FAM53B: variants seen among roughly 807,000 people sequenced by gnomAD.
FAM53B encodes protein FAM53B.
FAM53B carries 12 observed loss-of-function variants against 32.7 expected under a neutral mutation model. The observed-to-expected ratio is 0.37, with a 90% CI of 0.24 to 0.59. The LOEUF is 0.59. Ranked by LOEUF, FAM53B falls within the 20% of genes least tolerant of loss-of-function variation. The probability of loss-of-function intolerance (pLI) is 0.72; values close to 1 mark genes in which losing one functional copy is unlikely to be tolerated. For synonymous variants in FAM53B, 234 were observed against 228.7 expected (o/e 1.02, Z -0.21); for missense variants, 477 against 577.7 (o/e 0.83, Z 1.79).
chr10:124,647,617 G>A (rs1397299321), intron 4 of FAM53B, among the ~76,000 whole-genome samples: 1 of 152,198 alleles, frequency 6.6e-6, no homozygotes, highest in Non-Finnish European at 1.5e-5. Context: ...AGGGAGGCAG[G>A]TATGTGTCCA....
At chr10:124,683,738 C>CT (rs1304061490) in intron 3 of FAM53B, among the ~76,000 whole-genome samples, 2 of 60,844 alleles carry the variant, frequency 3.3e-5, no homozygotes, top group African/African-American at 6.7e-5. Context: ...GTGGGTGAGC[C>CT]TGACTCTGGC....
chr10:124,621,435 G>C lies in FAM53B; in HGVS notation c.*1807C>G, dbSNP rs188101159. ...CGGGATCACAAGTAGACATGCCTCC[G>C]GCAGGAGCTACAGCAACCAGAGGTG... On this transcript the variant is annotated 3_prime_UTR_variant, in exon 5 of 5. Coordinates refer to ENST00000337318, the MANE Select transcript of FAM53B (RefSeq NM_014661.4). 6.6e-6 allele frequency: 1 copy of C among 152,228 alleles called. No homozygotes were observed. The highest frequency in any genetic ancestry group is 1.9e-4 in the East Asian group (1 of 5,192). The allele number at this position is 152,228 out of a possible 1,614,324, so 9.4% of individuals were successfully genotyped here. A position where few individuals can be genotyped will look rare whatever the true frequency, so the allele number is the denominator to read the frequency against.
At chr10:124,661,883 G>C (rs34209544) in intron 4 of FAM53B, among the ~76,000 whole-genome samples, 41,874 of 152,198 alleles carry the variant, frequency 0.28, 6,529 homozygotes, top group South Asian at 0.38. Context: ...CCTAGCAGGG[G>C]CCAGAGCAAG....
chr10:124,708,117 T>A (rs1416961695), intron 1 of FAM53B: 2 of 152,204 alleles, frequency 1.3e-5, no homozygotes, highest in Non-Finnish European at 2.9e-5. Flanking sequence ...AAAATAATCA[T>A]GATAACAGTA....
intron 3 of FAM53B, among the ~76,000 whole-genome samples, chr10:124,694,982 C>T (rs1472021797): frequency 2.6e-5 from 4 of 152,216 alleles, no homozygotes; most frequent in Non-Finnish European, 5.9e-5. Flanking sequence ...CCTCAGTTCT[C>T]CCGTATGTGA....
At chr10:124,671,007 C>T (rs866193085) in intron 4 of FAM53B, among the ~76,000 whole-genome samples, 37 of 152,192 alleles carry the variant, frequency 2.4e-4, no homozygotes, top group African/African-American at 7.7e-4. Context: ...CTGCGATGCG[C>T]GCTAGAAGAG....
At chr10:124,645,229 A>G (rs1949505020) in intron 4 of FAM53B, among the ~76,000 whole-genome samples, 1 of 152,374 alleles carries the variant, frequency 6.6e-6, no homozygotes, top group Non-Finnish European at 1.5e-5. Context: ...ATTCTGTGGT[A>G]AGACCGCCTA....
chr10:124,712,756 A>AC (rs1950013015), intron 1 of FAM53B, among the ~76,000 whole-genome samples: 2 of 152,210 alleles, frequency 1.3e-5, no homozygotes, highest in African/African-American at 4.8e-5. Context: ...CCCCAACCTG[A>AC]TCATGGAGAC....
At chr10:124,728,875 T>G (rs1212488391) in intron 1 of FAM53B, among the ~76,000 whole-genome samples, 1 of 152,246 alleles carries the variant, frequency 6.6e-6, no homozygotes, top group African/African-American at 2.4e-5. Context: ...CAGCAACATG[T>G]GCACAATTGG....
intron 3 of FAM53B, among the ~76,000 whole-genome samples, chr10:124,686,860 A>G (rs566534599): frequency 1.3e-5 from 2 of 152,382 alleles, no homozygotes; most frequent in Admixed American, 1.3e-4. Flanking sequence ...AAGTCCAACC[A>G]GGACTGTGCC....
At chr10:124,694,524 AATAAAGACCAAC>A (rs1949855979) in intron 3 of FAM53B, among the ~76,000 whole-genome samples, 1 of 152,206 alleles carries the variant, frequency 6.6e-6, no homozygotes, top group South Asian at 2.1e-4. Context: ...AAATCCTTGA[AATAAAGACCAAC>A]ATCTCCACAA....
At chr10:124,697,092 A>T (rs139608719) in intron 2 of FAM53B, among the ~76,000 whole-genome samples, 13 of 152,212 alleles carry the variant, frequency 8.5e-5, no homozygotes, top group Non-Finnish European at 1.8e-4. Flanking sequence ...CGGTCCTCTC[A>T]TGAGCAGAGA....
intron 2 of FAM53B, among the ~76,000 whole-genome samples, chr10:124,700,622 G>A (rs778288037): frequency 6.6e-6 from 1 of 152,184 alleles, no homozygotes; most frequent in Non-Finnish European, 1.5e-5. Context: ...GCAAAAGCTG[G>A]AAATCAAATG....
At chr10:124,656,700 T>C (rs1046581834) in intron 4 of FAM53B, among the ~76,000 whole-genome samples, 1 of 152,212 alleles carries the variant, frequency 6.6e-6, no homozygotes, top group Admixed American at 6.5e-5. Flanking sequence ...TGATGGAGTG[T>C]GTTCTGTGGT....
chr10:124,721,414 A>G (rs1190691388), intron 1 of FAM53B, among the ~76,000 whole-genome samples: 2 of 152,234 alleles, frequency 1.3e-5, no homozygotes, highest in African/African-American at 4.8e-5. Context: ...CACATCCACA[A>G]GGCCCCAGCA....
At chr10:124,732,944 G>T (rs1299738903) in intron 1 of FAM53B, among the ~76,000 whole-genome samples, 1 of 152,128 alleles carries the variant, frequency 6.6e-6, no homozygotes, top group African/African-American at 2.4e-5. Flanking sequence ...TCCTACTTCT[G>T]GTCATAACGC....
intron 4 of FAM53B, among the ~76,000 whole-genome samples, chr10:124,665,118 TCCC>T (rs1949661007): frequency 6.6e-6 from 1 of 152,126 alleles, no homozygotes; most frequent in African/African-American, 2.4e-5. Context: ...GGCAAGAAAT[TCCC>T]AAGGGCTTCA....
intron 1 of FAM53B, among the ~76,000 whole-genome samples, chr10:124,714,756 CTCAA>C: frequency 1.2e-5 from 1 of 85,462 alleles, no homozygotes; most frequent in Non-Finnish European, 2.6e-5. Context: ...GAGACTCCAC[CTCAA>C]AAAAAAAAAA....
chr10:124,657,139 CATATATATGTGT>C (rs1564869745), intron 4 of FAM53B, among the ~76,000 whole-genome samples: 1 of 134,050 alleles, frequency 7.5e-6, no homozygotes, highest in East Asian at 2.1e-4. Flanking sequence ...TGTGTATATA[CATATATATGTGT>C]ATATATGTGT....
Sources: allele counts gnomAD v4.1 joint callset (sites outside exome capture counted in the v4.1 genomes callset), GRCh38; gene constraint gnomAD v4.1.1; transcripts MANE v1.5; gene names NCBI Gene and HGNC (gene_info 2026-07-23, HGNC 2026-07-21).